DROSHA: variants seen among roughly 807,000 people sequenced by gnomAD.
DROSHA encodes ribonuclease 3.
DROSHA carries 56 observed loss-of-function variants against 181.9 expected under a neutral mutation model. The ratio of observed to expected loss-of-function variants is 0.31; its 90% CI spans 0.25 to 0.38. The LOEUF is 0.38. Among genes scored for constraint, DROSHA ranks in the 10% least tolerant of loss-of-function variants. DROSHA has a pLI of 1.00. For missense variants in DROSHA, 1,218 were observed against 1,743.5 expected (o/e 0.70, Z 5.37); for synonymous variants, 524 against 591.2 (o/e 0.89, Z 1.65).
chr5:31,464,057 A>T lies in DROSHA; in HGVS notation c.2574+179T>A, dbSNP rs7700627. ...ATACAACATACACACACACACCAGC[A>T]TCAAAACAGACAACAAAAACAAAAT... is the stretch of plus-strand genomic sequence containing the variant. On this transcript the variant is annotated intron_variant, in intron 20 of 35. Coordinates refer to ENST00000344624, the MANE Select transcript of DROSHA (RefSeq NM_001382508.1). 9.0e-3 allele frequency: 5,594 copies of T among 621,522 alleles called. 233 individuals carry two copies. In the African/African-American group the frequency reaches 0.093, roughly 10 times the overall value. The allele number at this position is 621,522 out of a possible 1,614,324, so 38.5% of individuals were successfully genotyped here.
chr5:31,484,504 C>CGTGTGTGT (rs369474665), intron 15 of DROSHA, among the ~76,000 whole-genome samples: 1,751 of 144,996 alleles, frequency 0.012, 20 homozygotes, highest in Non-Finnish European at 0.02. Context: ...TGCGTGTGTG[C>CGTGTGTGT]ATGTGTGTGT....
At chr5:31,425,430 A>G (rs1390544804) in intron 27 of DROSHA, among the ~76,000 whole-genome samples, 1 of 152,160 alleles carries the variant, frequency 6.6e-6, no homozygotes, top group African/African-American at 2.4e-5. Flanking sequence ...CTTTCCTTTG[A>G]AATCTCGGTA....
chr5:31,474,440 G>A (rs767051990), intron 16 of DROSHA, among the ~76,000 whole-genome samples: 1 of 151,658 alleles, frequency 6.6e-6, no homozygotes, highest in Non-Finnish European at 1.5e-5. Flanking sequence ...ACGGCTCATC[G>A]CAGCCTCAAC....
intron 11 of DROSHA, 116 bp downstream of exon 11, chr5:31,504,439 G>A (rs1737668539): frequency 1.7e-5 from 19 of 1,149,132 alleles, no homozygotes; most frequent in Non-Finnish European, 2.2e-5. Flanking sequence ...AGACTATTAG[G>A]GAATATGAAG....
intron 30 of DROSHA, among the ~76,000 whole-genome samples, chr5:31,417,017 C>T (rs1742027178): frequency 6.6e-6 from 1 of 152,146 alleles, no homozygotes; most frequent in Non-Finnish European, 1.5e-5. Context: ...TAAACAAGTA[C>T]ATTACATACT....
chr5:31,411,173 G>A lies in DROSHA; in HGVS notation c.3526-286C>T, dbSNP rs751654631. Among the ~76,000 whole-genome samples the A allele has an allele frequency of 4.7e-4, 71 of 152,000 alleles. No homozygotes were observed. The highest frequency in any genetic ancestry group is 9.1e-4 in the Non-Finnish European group (62 of 68,002). On this transcript the variant is annotated intron_variant, in intron 30 of 35. Transcript: ENST00000344624. The surrounding 1 kb of genome is among the most constrained non-coding windows in gnomAD (Gnocchi z 4.2). ...GGGGCAGGGCTGTGGTGGGGGAGGG[G>A]GGATGTATAATAAGATTTAAGGTCA...
At chr5:31,506,996 C>A (rs866435704) in intron 10 of DROSHA, among the ~76,000 whole-genome samples, 3 of 152,084 alleles carry the variant, frequency 2.0e-5, no homozygotes, top group Admixed American at 2.0e-4. Flanking sequence ...AGGCTTCTTG[C>A]GAAACAGGAA....
At chr5:31,521,042 G>T in intron 6 of DROSHA, 81 bp downstream of exon 6, 2 of 1,373,976 alleles carry the variant, frequency 1.5e-6, no homozygotes, top group Non-Finnish European at 2.1e-6. Context: ...ATGAAGACTT[G>T]GCTGTTGCTC....
chr5:31,458,232 G>A (rs1389491624), intron 20 of DROSHA, among the ~76,000 whole-genome samples: 4 of 152,056 alleles, frequency 2.6e-5, no homozygotes, highest in South Asian at 4.2e-4. Context: ...CTGGGTTTAC[G>A]GGTTTACTGG....
chr5:31,520,478 CACTT>C (rs1739766307), intron 6 of DROSHA, among the ~76,000 whole-genome samples: 1 of 152,074 alleles, frequency 6.6e-6, no homozygotes, highest in Admixed American at 6.6e-5. Context: ...ATTTATTTGG[CACTT>C]ACTTCAGGCC....
intron 33 of DROSHA, 43 bp from the exon 34 acceptor site, chr5:31,406,988 T>C (rs1340553852): frequency 1.9e-6 from 3 of 1,565,042 alleles, no homozygotes; most frequent in Non-Finnish European, 2.6e-6. Flanking sequence ...TAAAGTGTTA[T>C]TTGTCATGGT....
intron 18 of DROSHA, 194 bp downstream of exon 18, chr5:31,467,745 A>C (rs901833740): frequency 3.2e-6 from 2 of 621,780 alleles, no homozygotes; most frequent in Non-Finnish European, 2.4e-6. Flanking sequence ...AGTTTCTTGC[A>C]CTCAAATATG....
intron 20 of DROSHA, among the ~76,000 whole-genome samples, chr5:31,459,051 T>C (rs1748036432): frequency 6.6e-6 from 1 of 152,194 alleles, no homozygotes; most frequent in African/African-American, 2.4e-5. Context: ...AATGTATAGA[T>C]TTCACATGGA....
intron 28 of DROSHA, among the ~76,000 whole-genome samples, chr5:31,423,561 T>C (rs974621237): frequency 6.6e-6 from 1 of 152,212 alleles, no homozygotes; most frequent in African/African-American, 2.4e-5. Context: ...CAGGTGGTGC[T>C]CCAACAATGA....
At chr5:31,446,423 G>A (rs188907385) in intron 23 of DROSHA, among the ~76,000 whole-genome samples, 380 of 138,358 alleles carry the variant, frequency 2.7e-3, no homozygotes, top group Non-Finnish European at 4.2e-3. Context: ...CTCCAGCCTG[G>A]GCGACAGAGC....
At chr5:31,511,291 C>T in intron 8 of DROSHA, 115 bp from the exon 9 acceptor site, 1 of 1,042,828 alleles carries the variant, frequency 9.6e-7, no homozygotes, top group East Asian at 2.6e-5. Context: ...TATTTTTCAA[C>T]CCTAAATTTA....
chr5:31,529,953 TCA>T (rs1741075711), intron 3 of DROSHA, among the ~76,000 whole-genome samples: 1 of 152,126 alleles, frequency 6.6e-6, no homozygotes, highest in Non-Finnish European at 1.5e-5. Context: ...TTTTAAAAAC[TCA>T]CATAAATATT....
chr5:31,472,084 C>T lies in DROSHA; in HGVS notation c.2220G>A (p.Met740Ile). Residue 740 changes from methionine (M) to isoleucine (I), a missense_variant, in exon 17 of 36, where the codon ATG (methionine) becomes ATA (isoleucine). Transcript: ENST00000344624. ...ATACCGTCCCAGGGTTGGTAACAAT[C>T]ATGCCTTTGCATTCTTCTGCATATT... is the stretch of plus-strand genomic sequence containing the variant. ...WQKYAEECKG[M>I]IVTNPGTKPS... 1 of 1,613,810 alleles carries T rather than the reference C, an allele frequency of 6.2e-7. No individual in the cohort carries two copies. The highest frequency in any genetic ancestry group is 8.5e-7 in the Non-Finnish European group (1 of 1,179,788).
At chr5:31,478,317 C>A (rs3922807) in intron 16 of DROSHA, among the ~76,000 whole-genome samples, 1,816 of 151,806 alleles carry the variant, frequency 0.012, 32 homozygotes, top group African/African-American at 0.031. Flanking sequence ...AAGAAAAATC[C>A]AAAAAAAACT....
Sources: allele counts gnomAD v4.1 joint callset (sites outside exome capture counted in the v4.1 genomes callset), GRCh38; gene constraint gnomAD v4.1.1; non-coding constraint Gnocchi (gnomAD v3.1); transcripts MANE v1.5; gene names NCBI Gene and HGNC (gene_info 2026-07-23, HGNC 2026-07-21).